The following DLGAP2 variants were observed in gnomAD, a reference collection of about 807,000 sequenced individuals.
DLGAP2 encodes disks large-associated protein 2.
In DLGAP2, 26 loss-of-function variants were observed where a neutral mutation model predicts 100.3. The ratio of observed to expected loss-of-function variants is 0.26; its 90% confidence interval spans 0.19 to 0.36. The LOEUF is 0.36. Ranked by LOEUF, DLGAP2 falls within the 10% of genes least tolerant of loss-of-function variation. DLGAP2 has a pLI of 1.00. For missense variants in DLGAP2, 1,858 were observed against 1,453.2 expected (o/e 1.28, Z -4.53); for synonymous variants, 886 against 630.1 (o/e 1.41, Z -6.08).
intron 3 of DLGAP2, among the ~76,000 whole-genome samples, chr8:1,337,041 A>G (rs570117788): frequency 6.6e-6 from 1 of 152,204 alleles, no homozygotes; most frequent in Non-Finnish European, 1.5e-5. Flanking sequence ...TGATCAGTAC[A>G]TAGTAACCAG....
rs1796731697 is a variant in DLGAP2 at position 1,604,539 on chromosome 8, C to G, written c.1443-22201C>G. Reference sequence around the variant, plus strand: ...GCGATCCAGGAATCAACATTACATGCAAGCACTCAGGAGATCGTGATACAG... The same window carrying G: ...GCGATCCAGGAATCAACATTACATGGAAGCACTCAGGAGATCGTGATACAG... On this transcript the variant is annotated intron_variant, in intron 6 of 14. Transcript: ENST00000637795. 2.0e-5 allele frequency: 3 copies of G among 152,286 alleles called. 1 individual carries two copies. The allele number at this position is 152,286 out of a possible 1,614,324, so 9.4% of individuals were successfully genotyped here.
chr8:1,192,534 C>G (rs1442824647), intron 2 of DLGAP2, among the ~76,000 whole-genome samples: 1 of 152,026 alleles, frequency 6.6e-6, no homozygotes, highest in Non-Finnish European at 1.5e-5. Context: ...AATCTCATGC[C>G]CTTTGTCCAG....
At chr8:1,471,545 C>G (rs982001014) in intron 3 of DLGAP2, among the ~76,000 whole-genome samples, 2 of 147,914 alleles carry the variant, frequency 1.4e-5, no homozygotes, top group African/African-American at 2.6e-5. Context: ...CCAGCCTCCT[C>G]CTAACCTCCT....
At chr8:1,162,199 C>T (rs146437896) in intron 2 of DLGAP2, among the ~76,000 whole-genome samples, 93 of 152,310 alleles carry the variant, frequency 6.1e-4, no homozygotes, top group African/African-American at 2.2e-3. Context: ...GCGAGGGAGG[C>T]GGCGATTCAT....
At chr8:1,653,129 C>T (rs1038811873) in intron 8 of DLGAP2, among the ~76,000 whole-genome samples, 3 of 152,212 alleles carry the variant, frequency 2.0e-5, no homozygotes, top group Non-Finnish European at 2.9e-5. Context: ...TGCTGCCAGG[C>T]CTGGAGATAC....
chr8:1,668,358 C>A lies in DLGAP2; in HGVS notation c.1840C>A (p.Pro614Thr), dbSNP rs766323388. The A allele has an allele frequency of 2.6e-5, 40 of 1,537,874 alleles. No homozygotes were observed. The highest frequency in any genetic ancestry group is 3.3e-5 in the Non-Finnish European group (38 of 1,145,770). The change falls in exon 9 of 15, where the codon CCC becomes ACC. Residue 614 changes from proline to threonine, a missense_variant. Coordinates refer to ENST00000637795, the MANE Select transcript of DLGAP2 (RefSeq NM_001346810.2). ...AVSYTNYKKTPPPVPPRTTSK... is the reference protein window; with the variant it reads ...AVSYTNYKKTTPPVPPRTTSK... ...CTCATATACAAATTACAAGAAAACG[C>A]CCCCACCGGTGCCCCCTCGGACCAC...
At chr8:1,116,543 C>G (rs1329417681) in intron 2 of DLGAP2, among the ~76,000 whole-genome samples, 1 of 152,138 alleles carries the variant, frequency 6.6e-6, no homozygotes, top group African/African-American at 2.4e-5. Context: ...TAATTACAAT[C>G]CCTGCACTTA....
intron 3 of DLGAP2, among the ~76,000 whole-genome samples, chr8:1,370,950 T>C (rs902627872): frequency 3.9e-5 from 6 of 152,252 alleles, no homozygotes; most frequent in Non-Finnish European, 8.8e-5. Context: ...TAAGTTCATC[T>C]GTATGTTAGG....
At chr8:1,657,333 G>A (rs1439394390) in intron 8 of DLGAP2, among the ~76,000 whole-genome samples, 2 of 152,184 alleles carry the variant, frequency 1.3e-5, no homozygotes, top group South Asian at 2.1e-4. Flanking sequence ...CATATAGAAA[G>A]TGATAGATAA....
intron 1 of DLGAP2, chr8:893,185 C>G (rs537438428): frequency 6.6e-6 from 1 of 152,144 alleles, no homozygotes; most frequent in South Asian, 2.1e-4. Context: ...GAAGTGGAAC[C>G]GAGGGCAGGC....
chr8:1,628,102 G>T (rs112808049), intron 7 of DLGAP2, among the ~76,000 whole-genome samples: 1 of 115,772 alleles, frequency 8.6e-6, no homozygotes, highest in Non-Finnish European at 1.7e-5. Flanking sequence ...GGAATTAAGA[G>T]CTTGAGCCGA....
chr8:1,025,993 C>T (rs1296445915), intron 2 of DLGAP2, among the ~76,000 whole-genome samples: 1 of 152,216 alleles, frequency 6.6e-6, no homozygotes, highest in African/African-American at 2.4e-5. Flanking sequence ...GAGACGGTGC[C>T]CTGAAGCTGC....
At chr8:1,033,383 G>T (rs1425336416) in intron 2 of DLGAP2, among the ~76,000 whole-genome samples, 1 of 152,196 alleles carries the variant, frequency 6.6e-6, no homozygotes, top group African/African-American at 2.4e-5. Flanking sequence ...TTAGCTGGGG[G>T]TTGGGGGTGG....
chr8:1,676,409 T>G (rs1046026354), intron 10 of DLGAP2, 124 bp from the exon 11 acceptor site: 3 of 967,626 alleles, frequency 3.1e-6, no homozygotes, highest in Non-Finnish European at 3.2e-6. Flanking sequence ...CTGGGTCAAG[T>G]GCACCGCTGC....
At chr8:1,112,558 A>T (rs754286869) in intron 2 of DLGAP2, among the ~76,000 whole-genome samples, 2 of 152,068 alleles carry the variant, frequency 1.3e-5, no homozygotes, top group African/African-American at 2.4e-5. Context: ...CCCACTTTTT[A>T]ATAGGGTTGT....
chr8:1,352,201 A>T (rs1167894679), intron 3 of DLGAP2, among the ~76,000 whole-genome samples: 1 of 102,204 alleles, frequency 9.8e-6, no homozygotes, highest in Non-Finnish European at 2.0e-5. Context: ...GCGGGTCCTG[A>T]CTGTGTGTGG....
intron 8 of DLGAP2, among the ~76,000 whole-genome samples, chr8:1,652,603 A>C (rs1452041266): frequency 6.6e-6 from 1 of 152,130 alleles, no homozygotes; most frequent in African/African-American, 2.4e-5. Context: ...CAGGTCAACG[A>C]CACCTAGGAA....
chr8:1,143,563 TCAGGACTCAGCCCCGGGCTCTC>T (rs1157555602), intron 2 of DLGAP2, among the ~76,000 whole-genome samples: 1 of 152,164 alleles, frequency 6.6e-6, no homozygotes, highest in Non-Finnish European at 1.5e-5. Flanking sequence ...TGGTCAGCGC[TCAGGACTCAGCCCCGGGCTCTC>T]CAGGCTGCCT....
At chr8:965,159 G>C (rs547077999) in intron 2 of DLGAP2, among the ~76,000 whole-genome samples, 3 of 145,748 alleles carry the variant, frequency 2.1e-5, no homozygotes, top group Admixed American at 6.9e-5. Flanking sequence ...CAGGGCTCCT[G>C]AGTCTGACCC....
Sources: gnomAD v4.1 joint callset for allele counts (sites outside exome capture counted in the v4.1 genomes callset) on GRCh38, gnomAD v4.1.1 for gene constraint, MANE v1.5 for transcripts, NCBI Gene and HGNC (gene_info 2026-07-23, HGNC 2026-07-21) for gene names.